The following SLC12A9 variants were observed in gnomAD, a reference collection of about 807,000 sequenced individuals.
The protein encoded by SLC12A9 is solute carrier family 12 member 9.
SLC12A9 carries 55 observed loss-of-function variants against 66.0 expected under a neutral mutation model. The observed-to-expected ratio is 0.83, with a 90% CI of 0.67 to 1.04. SLC12A9 has a LOEUF of 1.04. SLC12A9 is among the 50% of genes least tolerant of loss of function. SLC12A9 has a pLI of 0.00. For missense variants in SLC12A9, 1,061 were observed against 1,241.9 expected, an observed-to-expected ratio of 0.85 and a Z score of 2.19; for synonymous variants, 577 against 569.0, an observed-to-expected ratio of 1.01 and a Z score of -0.20.
intron 4 of SLC12A9, 195 bp downstream of exon 4, chr7:100,856,032 A>AGG: frequency 5.3e-6 from 4 of 752,218 alleles, no homozygotes; most frequent in Non-Finnish European, 7.7e-6. Flanking sequence ...GCAGGGAGCT[A>AGG]ACCATCTAAT....
At position 100,865,886 on chromosome 7, in the gene SLC12A9, C is replaced by T. The variant is rs367731581; in HGVS notation, c.2026C>T (p.Arg676Trp). Residue 676 changes from arginine to tryptophan, a missense_variant, in exon 14 of 14, where the codon CGG becomes TGG. Physicochemically the swap from Arg to Trp is moderately radical, Grantham distance 101. Transcript: ENST00000354161. Reference protein sequence around the residue: ...FPPPRAPGSPRALNPQDYVAT... With the variant: ...FPPPRAPGSPWALNPQDYVAT... Reference sequence around the variant, plus strand: ...TCCTCCCCGGGCTCCTGGGAGCCCCCGGGCCCTCAATCCCCAGGACTATGT... The same window carrying T: ...TCCTCCCCGGGCTCCTGGGAGCCCCTGGGCCCTCAATCCCCAGGACTATGT... 14 of 1,613,544 alleles carry T rather than the reference C, an allele frequency of 8.7e-6. No individual in the cohort carries two copies. The highest frequency in any genetic ancestry group is 5.5e-5 in the South Asian group (5 of 91,084).
intron 1 of SLC12A9, among the ~76,000 whole-genome samples, chr7:100,840,538 A>G (rs533111071): frequency 3.9e-5 from 6 of 152,222 alleles, no homozygotes; most frequent in South Asian, 2.1e-4. Flanking sequence ...GAACAGCAGC[A>G]TAAGTGGCTG....
At chr7:100,854,565 G>T (rs932879693) in intron 2 of SLC12A9, 55 bp from the exon 3 acceptor site, 6 of 1,609,990 alleles carry the variant, frequency 3.7e-6, no homozygotes, top group Admixed American at 3.3e-5. Context: ...GAACCAGGGG[G>T]TGGGGGATAT....
At chr7:100,859,790 A>G (rs376251895) in intron 7 of SLC12A9, 95 bp from the exon 8 acceptor site, 1 of 1,425,758 alleles carries the variant, frequency 7.0e-7, no homozygotes, top group Non-Finnish European at 9.5e-7. Flanking sequence ...CCTTTAGCAC[A>G]TTTGATATCT....
chr7:100,837,451 TC>T (rs777397787), intron 1 of SLC12A9: 3 of 152,212 alleles, frequency 2.0e-5, no homozygotes, highest in Non-Finnish European at 2.9e-5. Flanking sequence ...CGGCGTCCTC[TC>T]GTTGGTTGCC....
At chr7:100,860,365 A>C in intron 9 of SLC12A9, 133 bp downstream of exon 9, 3 of 899,254 alleles carry the variant, frequency 3.3e-6, no homozygotes, top group Non-Finnish European at 5.1e-6. Flanking sequence ...GGCACTCTGC[A>C]GGGTTCACTG....
chr7:100,840,561 A>G (rs2116522759), intron 1 of SLC12A9, among the ~76,000 whole-genome samples: 1 of 152,212 alleles, frequency 6.6e-6, no homozygotes, highest in Admixed American at 6.5e-5. Flanking sequence ...AGAGGCAAAG[A>G]AAGACCAGCA....
At chr7:100,843,712 T>C (rs918576585) in intron 1 of SLC12A9, among the ~76,000 whole-genome samples, 3 of 152,222 alleles carry the variant, frequency 2.0e-5, no homozygotes, top group African/African-American at 7.2e-5. Flanking sequence ...CTGTGGTAAC[T>C]TGAATGACTA....
intron 1 of SLC12A9, among the ~76,000 whole-genome samples, chr7:100,844,612 A>G (rs941787587): frequency 6.6e-6 from 1 of 152,298 alleles, no homozygotes; most frequent in East Asian, 1.9e-4. Flanking sequence ...AGCCACTTAA[A>G]TTAAAAAAAA....
At chr7:100,864,052 G>A (rs576231653) in intron 13 of SLC12A9, among the ~76,000 whole-genome samples, 28 of 150,610 alleles carry the variant, frequency 1.9e-4, no homozygotes, top group Non-Finnish European at 3.2e-4. Context: ...ATATCAGGTC[G>A]GTGCAAAAGC....
In SLC12A9 at chr7:100,831,897, C is replaced by T. The variant is rs148441907; in HGVS notation, n.228+4850C>T. On this transcript the variant is annotated intron_variant and non_coding_transcript_variant, in intron 1 of 1. Transcript: ENST00000461016. ...TCACCTGCCTGGCTTCTTCCACGGCCCTGGTTAATAAGTGCCATAATTTAA... is the reference window on the plus strand; with the variant it reads ...TCACCTGCCTGGCTTCTTCCACGGCTCTGGTTAATAAGTGCCATAATTTAA... Among the ~76,000 whole-genome samples, 48 of 152,202 alleles carry T rather than the reference C, an allele frequency of 3.2e-4. No homozygotes were observed. In the East Asian group the frequency reaches 9.1e-3, roughly 29 times the overall value.
intron 5 of SLC12A9, 142 bp from the exon 6 acceptor site, chr7:100,858,693 G>C: frequency 2.8e-6 from 2 of 724,764 alleles, no homozygotes; most frequent in South Asian, 1.7e-5. Context: ...CCCAGGGCCA[G>C]TGCAGGAACA....
chr7:100,842,198 G>C (rs1813804244), intron 1 of SLC12A9, among the ~76,000 whole-genome samples: 1 of 151,512 alleles, frequency 6.6e-6, no homozygotes, highest in African/African-American at 2.4e-5. Context: ...TAGTCCCAAA[G>C]GAAAACCCTA....
intron 1 of SLC12A9, among the ~76,000 whole-genome samples, chr7:100,841,357 A>G (rs1813787735): frequency 6.6e-6 from 1 of 152,060 alleles, no homozygotes; most frequent in South Asian, 2.1e-4. Context: ...TGTATAAGAA[A>G]AGTAAAATAT....
chr7:100,831,230 A>G (rs1377466086), intron 1 of SLC12A9, among the ~76,000 whole-genome samples: 1 of 152,168 alleles, frequency 6.6e-6, no homozygotes, highest in Non-Finnish European at 1.5e-5. Context: ...CTTGTTGCCC[A>G]GGCTGGAGTG....
chr7:100,866,378 C>T lies in SLC12A9; in HGVS notation c.2518C>T (p.Leu840=). The part of the protein sequence containing the change: ...AEALARSANA[L]VRAQQGRGTG... ...GGCCCTGGCACGCAGCGCCAACGCCCTGGTTCGGGCCCAGCAGGGGCGCGG... is the reference window on the plus strand; with the variant it reads ...GGCCCTGGCACGCAGCGCCAACGCCTTGGTTCGGGCCCAGCAGGGGCGCGG... Residue 840 remains leucine (L), a synonymous_variant, in exon 14 of 14, where the codon CTG becomes TTG. Coordinates refer to ENST00000354161, the MANE Select transcript of SLC12A9 (RefSeq NM_020246.4). This position sits in a 1 kb window ranked among gnomAD's most constrained non-coding sequence, Gnocchi z 7.3. The T allele has an allele frequency of 6.6e-7, 1 of 1,523,788 alleles. No individual in the cohort carries two copies. Among genetic ancestry groups the T allele is most frequent in the Non-Finnish European group, 8.8e-7 (1 of 1,132,720 alleles). The allele number at this position is 1,523,788 out of a possible 1,614,324, so 94.4% of individuals were successfully genotyped here.
chr7:100,826,980 T>A lies in SLC12A9; in HGVS notation n.161T>A, dbSNP rs1195131190. On this transcript the variant is annotated non_coding_transcript_exon_variant, in exon 1 of 2. Coordinates refer to the SLC12A9 transcript ENST00000461016. ...GCCCCCCCCCGCAAGGAAACTCACC[T>A]TCCAAAGCTGCGGCCAACGAAGCCC... 3.2e-6 allele frequency: 5 copies of A among 1,540,506 alleles called. No homozygotes were observed. The African/African-American group carries it at 6.9e-5, about 21-fold the overall frequency.
intron 13 of SLC12A9, among the ~76,000 whole-genome samples, chr7:100,863,795 A>G (rs1814909278): frequency 6.6e-6 from 1 of 152,212 alleles, no homozygotes. Flanking sequence ...TTCCTTCTCT[A>G]TTCAGAGTCT....
chr7:100,865,769 C>T lies in SLC12A9; in HGVS notation c.1909C>T (p.Pro637Ser), dbSNP rs1192024315. The T allele has an allele frequency of 2.5e-6, 4 of 1,613,880 alleles. No individual in the cohort carries two copies. Among genetic ancestry groups the T allele is most frequent in the Non-Finnish European group, 3.4e-6 (4 of 1,180,006 alleles). Residue 637 changes from proline to serine, a missense_variant, in exon 14 of 14, where the codon CCG (proline) becomes TCG (serine). Pro to Ser is a moderately conservative substitution (Grantham distance 74). Transcript: ENST00000354161. ...LVLGFYDDAP[P>S]QDHFLTDPAF... is the part of the protein sequence containing the mutation. Reference sequence around the variant, plus strand: ...CCTAGGTTTCTACGATGACGCTCCACCGCAGGACCATTTCCTGACGGACCC... The same window carrying T: ...CCTAGGTTTCTACGATGACGCTCCATCGCAGGACCATTTCCTGACGGACCC...
Sources: allele counts gnomAD v4.1 joint callset (sites outside exome capture counted in the v4.1 genomes callset), GRCh38; gene constraint gnomAD v4.1.1; non-coding constraint Gnocchi (gnomAD v3.1); transcripts MANE v1.5; gene names NCBI Gene and HGNC (gene_info 2026-07-23, HGNC 2026-07-21).